The following CACNA2D1 variants were observed in gnomAD, a reference collection of about 807,000 sequenced individuals.
The protein encoded by CACNA2D1 is voltage-dependent calcium channel subunit alpha-2/delta-1.
In CACNA2D1, 53 loss-of-function variants were observed where a neutral mutation model predicts 171.5. That is an observed-to-expected ratio of 0.31 (90% CI 0.25 to 0.39). CACNA2D1 has a LOEUF of 0.39. Ranked by LOEUF, CACNA2D1 falls within the 10% of genes least tolerant of loss-of-function variation. The pLI, the probability that CACNA2D1 is intolerant of heterozygous loss-of-function variation, is 1.00. For missense variants in CACNA2D1, 903 were observed against 1,299.8 expected (o/e 0.69, Z 4.69); for synonymous variants, 442 against 443.1 (o/e 1.00, Z 0.03).
At chr7:82,141,123 T>C (rs530559872) in intron 4 of CACNA2D1, among the ~76,000 whole-genome samples, 1 of 152,224 alleles carries the variant, frequency 6.6e-6, no homozygotes, top group South Asian at 2.1e-4. Flanking sequence ...AGCTATCTTT[T>C]TGCTATTTAG....
At chr7:82,072,991 G>A (rs1808511191) in intron 7 of CACNA2D1, among the ~76,000 whole-genome samples, 1 of 152,116 alleles carries the variant, frequency 6.6e-6, no homozygotes, top group Non-Finnish European at 1.5e-5. Context: ...ATGCTTAGAT[G>A]TTAACCACTT....
intron 18 of CACNA2D1, among the ~76,000 whole-genome samples, chr7:82,005,117 C>T (rs984665761): frequency 6.6e-6 from 1 of 152,060 alleles, no homozygotes; most frequent in East Asian, 1.9e-4. Context: ...GAGCAATATC[C>T]TTTTTATCTT....
Position 82,032,855 on chromosome 7 carries a change from G to A in CACNA2D1, c.1085C>T (p.Thr362Met), listed in dbSNP as rs965029890. The change falls in exon 12 of 39, where the codon ACG (threonine) becomes ATG (methionine). Residue 362 changes from threonine to methionine, a missense_variant. By Grantham distance (81) the Thr-to-Met change is moderately conservative. Around this residue, in one of 5 missense-constraint regions of CACNA2D1, gnomAD observed 623 missense variants for 925.5 expected, o/e 0.67. Coordinates refer to ENST00000356860, the MANE Select transcript of CACNA2D1 (RefSeq NM_000722.4). Reference sequence around the variant, plus strand: ...CTGGGCTCTCTCTTCTCCTCCATCCGTGAATAGCATAATAATCTTATTGCA... The same window carrying A: ...CTGGGCTCTCTCTTCTCCTCCATCCATGAATAGCATAATAATCTTATTGCA... ...ANCNKIIMLF[T>M]DGGEERAQEI... 3.7e-6 allele frequency: 6 copies of A among 1,602,290 alleles called. No individual in the cohort carries two copies. The highest frequency in any genetic ancestry group is 1.7e-4 in the Middle Eastern group (1 of 5,988).
intron 3 of CACNA2D1, among the ~76,000 whole-genome samples, chr7:82,235,532 A>G (rs1230493556): frequency 6.6e-6 from 1 of 152,164 alleles, no homozygotes. Context: ...ATCACTTTAA[A>G]TTTTGTTATA....
Position 82,156,636 on chromosome 7 carries a change from T to A in CACNA2D1, c.354+13914A>T, listed in dbSNP as rs549247854. Among the ~76,000 whole-genome samples the A allele has an allele frequency of 1.4e-4, 7 of 49,444 alleles. No individual in the cohort carries two copies. In the South Asian group the frequency reaches 4.3e-3, roughly 30 times the overall value. The allele number at this position is 49,444 out of a possible 152,430, so 32.4% of individuals were successfully genotyped here. ...AATTTTAGTATAATAGTAAATAAATTTATTTTCTTTTAATAAGAGAGATCA... is the reference window on the plus strand; with the variant it reads ...AATTTTAGTATAATAGTAAATAAATATATTTTCTTTTAATAAGAGAGATCA... On this transcript the variant is annotated intron_variant, in intron 4 of 38. Transcript: ENST00000356860.
At chr7:82,384,592 AAGG>A (rs1824113263) in intron 1 of CACNA2D1, among the ~76,000 whole-genome samples, 1 of 148,604 alleles carries the variant, frequency 6.7e-6, no homozygotes, top group African/African-American at 2.5e-5. Context: ...ATCACTGGTA[AAGG>A]AGAAGTGAAG....
chr7:82,068,506 T>C (rs1250911561), intron 7 of CACNA2D1, among the ~76,000 whole-genome samples: 1 of 152,054 alleles, frequency 6.6e-6, no homozygotes, highest in African/African-American at 2.4e-5. Context: ...TTATATCGGA[T>C]ATTCATAAAT....
chr7:82,374,498 C>T (rs1342924646), intron 1 of CACNA2D1, among the ~76,000 whole-genome samples: 5 of 152,074 alleles, frequency 3.3e-5, no homozygotes, highest in South Asian at 2.1e-4. Flanking sequence ...CAAACACATG[C>T]GCTCCTCCTA....
At chr7:82,224,414 C>A (rs769968130) in intron 3 of CACNA2D1, among the ~76,000 whole-genome samples, 13 of 151,880 alleles carry the variant, frequency 8.6e-5, no homozygotes, top group Non-Finnish European at 1.6e-4. Flanking sequence ...GGTGAAACTT[C>A]GTCTCTACTA....
intron 10 of CACNA2D1, chr7:82,050,828 T>C (rs1359529564): frequency 1.9e-6 from 1 of 525,774 alleles, no homozygotes; most frequent in Non-Finnish European, 3.4e-6. Flanking sequence ...CAACAACATT[T>C]CAGCAAGTTA....
chr7:82,171,038 C>T (rs1229204335), intron 3 of CACNA2D1, among the ~76,000 whole-genome samples: 1 of 151,958 alleles, frequency 6.6e-6, no homozygotes, highest in South Asian at 2.1e-4. Flanking sequence ...TACTAGGCAC[C>T]TTCTTAAATG....
chr7:82,208,489 C>T (rs1229267595), intron 3 of CACNA2D1, among the ~76,000 whole-genome samples: 3 of 152,094 alleles, frequency 2.0e-5, no homozygotes, highest in East Asian at 3.9e-4. Context: ...AGATTAACAA[C>T]TACACAGGTA....
chr7:82,305,200 G>C (rs1813567350), intron 3 of CACNA2D1, among the ~76,000 whole-genome samples: 1 of 152,076 alleles, frequency 6.6e-6, no homozygotes, highest in South Asian at 2.1e-4. Context: ...TATTTTGTAA[G>C]AGTCTCATGC....
chr7:82,167,373 C>T (rs947065358), intron 4 of CACNA2D1, among the ~76,000 whole-genome samples: 5 of 151,918 alleles, frequency 3.3e-5, no homozygotes, highest in Non-Finnish European at 7.4e-5. Context: ...CTGTATTCTG[C>T]TCTGGTCTTG....
intron 4 of CACNA2D1, among the ~76,000 whole-genome samples, chr7:82,154,179 G>T (rs963475637): frequency 6.6e-6 from 1 of 152,170 alleles, no homozygotes; most frequent in South Asian, 2.1e-4. Context: ...CATAACGTCT[G>T]TGTGTCTCAC....
At position 81,998,506 on chromosome 7, in the gene CACNA2D1, C is replaced by T. The variant is rs143070000; in HGVS notation, c.1591-1256G>A. 9.7e-3 allele frequency among the ~76,000 whole-genome samples: 1,470 copies of T among 151,998 alleles called. 14 individuals are homozygous for T. The highest frequency in any genetic ancestry group is 0.024 in the Middle Eastern group (7 of 294). ...AAGATGTTGAATGACATAGTATACA[C>T]GGCATGTATTTACTGACAAAAATGC... On this transcript the variant is annotated intron_variant, in intron 18 of 38. Coordinates refer to ENST00000356860, the MANE Select transcript of CACNA2D1 (RefSeq NM_000722.4).
intron 3 of CACNA2D1, among the ~76,000 whole-genome samples, chr7:82,188,509 T>G (rs1797987202): frequency 1.3e-5 from 2 of 152,094 alleles, no homozygotes; most frequent in Non-Finnish European, 2.9e-5. Context: ...CTTGGTACAA[T>G]GTCTATCTAC....
At chr7:82,410,479 A>T (rs530546059) in intron 1 of CACNA2D1, 1 of 984,006 alleles carries the variant, frequency 1.0e-6, no homozygotes, top group African/African-American at 1.7e-5. Context: ...AACGCATGTT[A>T]ACAGGCAGTA....
chr7:82,123,028 C>T (rs1006077836), intron 5 of CACNA2D1, among the ~76,000 whole-genome samples: 3 of 152,098 alleles, frequency 2.0e-5, no homozygotes, highest in African/African-American at 7.2e-5. Flanking sequence ...TCCAGGTTCC[C>T]ACCATAAATG....
Sources: allele counts gnomAD v4.1 joint callset (sites outside exome capture counted in the v4.1 genomes callset), GRCh38; gene constraint gnomAD v4.1.1; regional missense constraint gnomAD v4.1.1; transcripts MANE v1.5; gene names NCBI Gene and HGNC (gene_info 2026-07-23, HGNC 2026-07-21).